The following CAPN14 variants were observed in gnomAD, a reference collection of about 807,000 sequenced individuals.
The protein encoded by CAPN14 is calpain 14, also known as calpain-14.
In CAPN14, 94 loss-of-function variants were observed where a neutral mutation model predicts 101.3. The observed-to-expected ratio is 0.93, with a 90% CI of 0.79 to 1.10. The LOEUF (loss-of-function observed/expected upper bound fraction) is 1.10, where lower values mean the gene tolerates loss of function less well. Among genes scored for constraint, CAPN14 ranks in the 50% least tolerant of loss-of-function variants. The pLI is 0.00. For synonymous variants in CAPN14, 338 were observed against 317.9 expected (o/e 1.06, Z -0.67); for missense variants, 837 against 828.4 (o/e 1.01, Z -0.13).
At chr2:31,223,694 A>C (rs1682932853) in intron 2 of CAPN14, among the ~76,000 whole-genome samples, 1 of 151,606 alleles carries the variant, frequency 6.6e-6, no homozygotes, top group African/African-American at 2.4e-5. Context: ...ACGCGTGGCT[A>C]ATTTTTTGTA....
intron 9 of CAPN14, among the ~76,000 whole-genome samples, chr2:31,193,609 C>A (rs1356204153): frequency 6.6e-6 from 1 of 152,198 alleles, no homozygotes; most frequent in Admixed American, 6.5e-5. Context: ...TAAGGCATAG[C>A]TAACTAGTCA....
chr2:31,223,545 T>TTC (rs200271917), intron 2 of CAPN14, among the ~76,000 whole-genome samples: 2,453 of 148,836 alleles, frequency 0.016, 32 homozygotes, highest in South Asian at 0.043. Flanking sequence ...TTCTTTTCTT[T>TTC]TTTTTTTTTT....
chr2:31,220,603 T>A (rs753908421), upstream of CAPN14, among the ~76,000 whole-genome samples: 6 of 152,152 alleles, frequency 3.9e-5, no homozygotes, highest in Non-Finnish European at 7.3e-5. Context: ...GGCAGGCGGA[T>A]CACGAGGTCA....
intron 12 of CAPN14, among the ~76,000 whole-genome samples, chr2:31,190,270 C>T (rs1301483460): frequency 1.3e-5 from 2 of 152,050 alleles, no homozygotes; most frequent in Non-Finnish European, 2.9e-5. Flanking sequence ...ATACCAGGAT[C>T]CTCTCTCCAG....
In CAPN14 at chr2:31,206,629, A is replaced by G. The variant is rs1039376915; in HGVS notation, c.-52-1130T>C. On this transcript the variant is annotated intron_variant, in intron 1 of 21. Transcript: ENST00000403897. ...TAAAAGGGGGACAAAAAAATCACAC[A>G]CACACATATTGTGCCAAATACCAAC... 3.9e-5 allele frequency among the ~76,000 whole-genome samples: 6 copies of G among 152,268 alleles called. No individual in the cohort carries two copies. In the East Asian group the frequency reaches 1.2e-3, roughly 30 times the overall value.
rs1011423072 is a variant in CAPN14 at position 31,176,987 on chromosome 2, G to A, written c.1972+39C>T. ...ACAGGTGGGAAGTCATGGGGCAGCA[G>A]AGGAAGACCTGGCCCTCCCCAGCTT... On this transcript the variant is annotated intron_variant, in intron 20 of 21. Transcript: ENST00000403897. 5.0e-6 allele frequency: 7 copies of A among 1,410,196 alleles called. No individual in the cohort carries two copies. In the Admixed American group the frequency reaches 1.4e-4, roughly 28 times the overall value. 87.4% of individuals were successfully genotyped at this position (1,410,196 alleles called of 1,614,324 possible).
At position 31,189,189 on chromosome 2, in the gene CAPN14, G is replaced by C. The variant is rs1558617595; in HGVS notation, c.1493+84C>G. ...TTTTGTCTCAGCAGCAGAGATCCTG[G>C]TTTCTGCCATTTCCAACCTTGCCCT... On this transcript the variant is annotated intron_variant, in intron 13 of 21. Coordinates refer to ENST00000403897, the MANE Select transcript of CAPN14 (RefSeq NM_001145122.2). 4 of 1,231,088 alleles carry C rather than the reference G, an allele frequency of 3.2e-6. No individual in the cohort carries two copies. In the South Asian group the frequency reaches 3.9e-5, roughly 12 times the overall value. The allele number at this position is 1,231,088 out of a possible 1,614,324, so 76.3% of individuals were successfully genotyped here.
At chr2:31,225,510 AAAT>A (rs1211263141) in intron 2 of CAPN14, among the ~76,000 whole-genome samples, 2 of 152,076 alleles carry the variant, frequency 1.3e-5, no homozygotes, top group African/African-American at 4.8e-5. Context: ...TATACAAAGA[AAAT>A]AAAACCATGG....
intron 8 of CAPN14, among the ~76,000 whole-genome samples, chr2:31,196,180 T>C (rs1329920305): frequency 2.6e-5 from 4 of 152,124 alleles, no homozygotes; most frequent in Admixed American, 2.0e-4. Context: ...CACTACAAAA[T>C]AAAAGCTCAT....
At chr2:31,195,292 G>A (rs1186593022) in intron 8 of CAPN14, among the ~76,000 whole-genome samples, 1 of 152,182 alleles carries the variant, frequency 6.6e-6, no homozygotes, top group Non-Finnish European at 1.5e-5. Flanking sequence ...CACAGTGCTG[G>A]GAATCTCAGG....
chr2:31,191,208 GAT>G (rs1681159629), intron 12 of CAPN14, among the ~76,000 whole-genome samples, 189 bp downstream of exon 12: 1 of 151,976 alleles, frequency 6.6e-6, no homozygotes, highest in African/African-American at 2.4e-5. Flanking sequence ...GGGGTCTTTG[GAT>G]AAAAAAGATT....
chr2:31,229,367 T>C (rs537255946), intron 1 of CAPN14, among the ~76,000 whole-genome samples: 1 of 152,278 alleles, frequency 6.6e-6, no homozygotes, highest in Non-Finnish European at 1.5e-5. Flanking sequence ...GAACCACAGT[T>C]ATGAAAAAAA....
intron 16 of CAPN14, among the ~76,000 whole-genome samples, chr2:31,185,490 C>G (rs1196323060): frequency 6.6e-6 from 1 of 152,130 alleles, no homozygotes; most frequent in Non-Finnish European, 1.5e-5. Context: ...CTTTGGAAAA[C>G]CATTTTGTAT....
At chr2:31,175,481 T>C (rs1169314283) in intron 21 of CAPN14, among the ~76,000 whole-genome samples, 1 of 152,234 alleles carries the variant, frequency 6.6e-6, no homozygotes, top group Non-Finnish European at 1.5e-5. Flanking sequence ...TGGACCCTGC[T>C]CAGTTTTGGG....
chr2:31,207,328 T>TG (rs1682151845), intron 1 of CAPN14, among the ~76,000 whole-genome samples: 1 of 152,208 alleles, frequency 6.6e-6, no homozygotes, highest in African/African-American at 2.4e-5. Context: ...TCTGCCCCAT[T>TG]GGGCACCTAC....
intron 1 of CAPN14, among the ~76,000 whole-genome samples, chr2:31,231,196 CT>C (rs138084819): frequency 1.3e-5 from 2 of 151,830 alleles, no homozygotes; most frequent in Admixed American, 6.6e-5. Flanking sequence ...AATATCTAAG[CT>C]TTTTTTTACT....
At chr2:31,220,477 C>T (rs1449707884), upstream of CAPN14, among the ~76,000 whole-genome samples, 1 of 152,204 alleles carries the variant, frequency 6.6e-6, no homozygotes, top group Non-Finnish European at 1.5e-5. Flanking sequence ...TCTGGCAGCC[C>T]CACAGACAGG....
intron 5 of CAPN14, 111 bp downstream of exon 5, chr2:31,201,751 A>G (rs906691540): frequency 3.7e-6 from 5 of 1,359,866 alleles, no homozygotes; most frequent in Non-Finnish European, 5.0e-6. Flanking sequence ...TGGCTAAGAC[A>G]TGCCTCAGGA....
chr2:31,230,136 A>G lies in CAPN14; in HGVS notation c.-176-3485T>C, dbSNP rs1356038962. On this transcript the variant is annotated intron_variant and NMD_transcript_variant, in intron 1 of 21. Transcript: ENST00000398824. The surrounding 1 kb of genome is among the most constrained non-coding windows in gnomAD (Gnocchi z 4.3). ...CAGATGATTTCATCACCCAGGTGTT[A>G]AGTCTAGTAACCAATAGTTCTTGCT... is the stretch of plus-strand genomic sequence containing the variant. 2.0e-5 allele frequency among the ~76,000 whole-genome samples: 3 copies of G among 152,190 alleles called. No homozygotes were observed. The East Asian group carries it at 5.8e-4, about 29-fold the overall frequency.
Sources: gnomAD v4.1 joint callset for allele counts (sites outside exome capture counted in the v4.1 genomes callset) on GRCh38, gnomAD v4.1.1 for gene constraint, Gnocchi (gnomAD v3.1) non-coding constraint, MANE v1.5 for transcripts, NCBI Gene and HGNC (gene_info 2026-07-23, HGNC 2026-07-21) for gene names.